The following CFAP299 variants were observed in gnomAD, a reference collection of about 807,000 sequenced individuals.
CFAP299 encodes the protein cilia- and flagella-associated protein 299.
In CFAP299, 21 loss-of-function variants were observed where a neutral mutation model predicts 27.0. The ratio of observed to expected loss-of-function variants is 0.78; its 90% CI spans 0.55 to 1.12. The LOEUF is 1.12. CFAP299 is among the 50% of genes most tolerant of loss of function. CFAP299 has a pLI of 0.00. For synonymous variants in CFAP299, 104 were observed against 98.1 expected (o/e 1.06, Z -0.36); for missense variants, 310 against 276.6 (o/e 1.12, Z -0.86).
At position 80,600,564 on chromosome 4, in the gene CFAP299, T is replaced by G. The variant is rs7681466; in HGVS notation, c.333+17381T>G. 6.7e-3 allele frequency among the ~76,000 whole-genome samples: 1,020 copies of G among 152,278 alleles called. 12 individuals carry two copies. The highest frequency in any genetic ancestry group is 0.023 in the African/African-American group (970 of 41,580). On this transcript the variant is annotated intron_variant, in intron 3 of 5. Coordinates refer to ENST00000358105, the MANE Select transcript of CFAP299 (RefSeq NM_152770.3). ...ATTAAAAACAAGCTTTGTCTTACAG[T>G]CTTTAATAATTGTAAAAAGTGGCAA...
At chr4:80,755,162 ATTT>A (rs1725162036) in intron 3 of CFAP299, among the ~76,000 whole-genome samples, 1 of 152,000 alleles carries the variant, frequency 6.6e-6, no homozygotes. Context: ...TTTCCCTATT[ATTT>A]TTGTCTGATT....
chr4:80,801,454 A>G (rs541490388), intron 3 of CFAP299, among the ~76,000 whole-genome samples: 63 of 152,218 alleles, frequency 4.1e-4, no homozygotes, highest in African/African-American at 1.5e-3. Context: ...AAATAAAGGG[A>G]AAAATGCATT....
chr4:80,497,520 C>A (rs1204598915), intron 2 of CFAP299, among the ~76,000 whole-genome samples: 1 of 152,020 alleles, frequency 6.6e-6, no homozygotes, highest in Non-Finnish European at 1.5e-5. Flanking sequence ...TATATATACA[C>A]ACACACATAT....
chr4:80,767,838 G>A (rs1405333362), intron 3 of CFAP299, among the ~76,000 whole-genome samples: 2 of 151,912 alleles, frequency 1.3e-5, no homozygotes, highest in African/African-American at 4.8e-5. Flanking sequence ...AGTAACTTAG[G>A]TTGACTTGTT....
intron 4 of CFAP299, among the ~76,000 whole-genome samples, chr4:80,883,263 G>A (rs571300759): frequency 2.2e-4 from 34 of 151,854 alleles, no homozygotes; most frequent in African/African-American, 7.7e-4. Context: ...TTAGCCTCAC[G>A]GTAAACACAA....
At chr4:80,630,125 C>T (rs1739129045) in intron 3 of CFAP299, among the ~76,000 whole-genome samples, 1 of 152,064 alleles carries the variant, frequency 6.6e-6, no homozygotes, top group African/African-American at 2.4e-5. Flanking sequence ...AAAGAATCCT[C>T]CACGGGATAA....
rs76820572 is a variant in CFAP299 at position 80,625,228 on chromosome 4, A to G, written c.333+42045A>G. Among the ~76,000 whole-genome samples the G allele has an allele frequency of 6.8e-3, 1,031 of 152,198 alleles. 13 individuals are homozygous for G. Among genetic ancestry groups the G allele is most frequent in the African/African-American group, 0.024 (990 of 41,568 alleles). On this transcript the variant is annotated intron_variant, in intron 3 of 5. Transcript: ENST00000358105. ...AAAGATGTAAATTGTGGCATAAAAAATTCAAAATGTGGTTTGGGGAGTGGA... is the reference window on the plus strand; with the variant it reads ...AAAGATGTAAATTGTGGCATAAAAAGTTCAAAATGTGGTTTGGGGAGTGGA...
intron 2 of CFAP299, among the ~76,000 whole-genome samples, chr4:80,479,593 A>C (rs1186640640): frequency 6.6e-6 from 1 of 152,030 alleles, no homozygotes; most frequent in Non-Finnish European, 1.5e-5. Context: ...TTCTGGTCAA[A>C]AGTGCAAACA....
At chr4:80,809,511 A>G (rs1293983643) in intron 3 of CFAP299, among the ~76,000 whole-genome samples, 2 of 152,082 alleles carry the variant, frequency 1.3e-5, no homozygotes, top group African/African-American at 4.8e-5. Flanking sequence ...GCCAGGATTA[A>G]TCCCTCTAGC....
At chr4:80,328,420 A>C in the CFAP299 span, among the ~76,000 whole-genome samples, 19 of 151,856 alleles carry the variant, frequency 1.3e-4, no homozygotes, top group Non-Finnish European at 2.1e-4. Context: ...CATAGGTTGC[A>C]TATGATAGGA....
rs879760731 is a variant in CFAP299 at position 80,668,157 on chromosome 4, A to AGT, written c.333+84974_333+84975insGT. ...CAGTTCTTTTGTTTGTTTTTAAATA[A>AGT]ATTTTTTTTTTTGCTAATTGTTCAA... On this transcript the variant is annotated intron_variant, in intron 3 of 5. Coordinates refer to ENST00000358105, the MANE Select transcript of CFAP299 (RefSeq NM_152770.3). 4.9e-4 allele frequency among the ~76,000 whole-genome samples: 11 copies of AGT among 22,606 alleles called. No homozygotes were observed. In the South Asian group the frequency reaches 0.033, roughly 69 times the overall value. The allele number at this position is 22,606 out of a possible 152,430, so 14.8% of individuals were successfully genotyped here.
At chr4:80,943,280 C>T (rs1201290680) in intron 4 of CFAP299, among the ~76,000 whole-genome samples, 1 of 152,126 alleles carries the variant, frequency 6.6e-6, no homozygotes, top group Admixed American at 6.5e-5. Flanking sequence ...GCCCCCCTCC[C>T]AGTGACATAA....
At chr4:80,672,801 A>G (rs1210145432) in intron 3 of CFAP299, among the ~76,000 whole-genome samples, 4 of 152,046 alleles carry the variant, frequency 2.6e-5, no homozygotes, top group African/African-American at 7.2e-5. Flanking sequence ...AGAGGTGTTT[A>G]TAGTATTCTC....
At chr4:80,825,981 T>C (rs770603824) in intron 3 of CFAP299, among the ~76,000 whole-genome samples, 25 of 151,950 alleles carry the variant, frequency 1.6e-4, no homozygotes, top group Non-Finnish European at 1.8e-4. Flanking sequence ...TACATTTTGT[T>C]TTCTACTTAA....
chr4:80,779,523 C>T (rs1303896299), intron 3 of CFAP299, among the ~76,000 whole-genome samples: 1 of 151,846 alleles, frequency 6.6e-6, no homozygotes, highest in African/African-American at 2.4e-5. Flanking sequence ...ATTATTTTTT[C>T]TTCATTTCAC....
intron 2 of CFAP299, chr4:80,388,031 A>C (rs1304076797): frequency 2.9e-6 from 2 of 694,504 alleles, no homozygotes; most frequent in African/African-American, 3.6e-5. Flanking sequence ...GTAGGGCTGC[A>C]TCACCAGTGC....
In CFAP299 at chr4:80,443,707, AG is replaced by A. The variant is rs1214248083; in HGVS notation, c.242+80826del. Among the ~76,000 whole-genome samples the A allele has an allele frequency of 3.0e-4, 46 of 152,310 alleles. 1 individual carries two copies. The highest frequency in any genetic ancestry group is 1.1e-3 in the African/African-American group (45 of 41,568). ...GCAGTCAGGCAAGAGAAAGAAATAAAGGGTATTCAAATAGGAAGAGAGGAAG... is the reference window on the plus strand; with the variant it reads ...GCAGTCAGGCAAGAGAAAGAAATAAAGGTATTCAAATAGGAAGAGAGGAAG... On this transcript the variant is annotated intron_variant, in intron 2 of 5. Transcript: ENST00000358105.
intron 3 of CFAP299, among the ~76,000 whole-genome samples, chr4:80,832,607 G>T (rs563896557): frequency 6.6e-6 from 1 of 152,154 alleles, no homozygotes; most frequent in African/African-American, 2.4e-5. Flanking sequence ...AATTTAAAAT[G>T]TAAATATTTA....
chr4:80,956,612 C>T (rs1010258638), intron 5 of CFAP299, among the ~76,000 whole-genome samples: 8 of 151,700 alleles, frequency 5.3e-5, no homozygotes, highest in Non-Finnish European at 1.2e-4. Flanking sequence ...AATCACCATG[C>T]CTAAGATTTT....
Sources: gnomAD v4.1 joint callset for allele counts (sites outside exome capture counted in the v4.1 genomes callset) on GRCh38, gnomAD v4.1.1 for gene constraint, MANE v1.5 for transcripts, NCBI Gene and HGNC (gene_info 2026-07-23, HGNC 2026-07-21) for gene names.